Variants in FRAS1 observed in about 807,000 individuals in gnomAD.
FRAS1 encodes the protein Fraser extracellular matrix complex subunit 1, also known as extracellular matrix organizing protein FRAS1.
A neutral mutation model predicts 435.2 loss-of-function variants in FRAS1; 290 were observed. The ratio of observed to expected loss-of-function variants is 0.67; its 90% CI spans 0.61 to 0.73. The LOEUF (loss-of-function observed/expected upper bound fraction) is 0.73. Ranked by LOEUF, FRAS1 falls within the 30% of genes least tolerant of loss-of-function variation. The pLI, the probability that FRAS1 is intolerant of heterozygous loss-of-function variation, is 0.00. For missense variants in FRAS1, 4,860 were observed against 5,001.5 expected (o/e 0.97, Z 0.85); for synonymous variants, 1,800 against 1,851.0 (o/e 0.97, Z 0.71).
At chr4:78,416,523 A>G (rs543318879) in intron 32 of FRAS1, among the ~76,000 whole-genome samples, 1 of 152,072 alleles carries the variant, frequency 6.6e-6, no homozygotes, top group African/African-American at 2.4e-5. Flanking sequence ...TGAAACACCC[A>G]GTGTCTGAGG....
chr4:78,526,718 C>T, intron 70 of FRAS1, 61 bp downstream of exon 70: 1 of 1,076,216 alleles, frequency 9.3e-7, no homozygotes, highest in Non-Finnish European at 1.3e-6. Flanking sequence ...TTCTCCTACT[C>T]ACTAAAATTT....
intron 2 of FRAS1, among the ~76,000 whole-genome samples, chr4:78,094,205 GGC>G (rs1741679024): frequency 6.9e-6 from 1 of 145,162 alleles, no homozygotes; most frequent in Non-Finnish European, 1.5e-5. Context: ...AAGAACTCTA[GGC>G]CACACAACAT....
chr4:78,537,155 A>T lies in FRAS1; in HGVS notation c.11253A>T (p.Gly3751=), dbSNP rs371333763. The change falls in exon 72 of 74, where the codon GGA becomes GGT. Residue 3751 remains glycine (G), a synonymous_variant. Coordinates refer to ENST00000512123, the MANE Select transcript of FRAS1 (RefSeq NM_025074.7). ...GTIYNEGPQY[G]CIQPNKHLKH... ...TCTACAATGAAGGGCCCCAGTATGG[A>T]TGCATTCAGCCAAACAAACACCTAA... The T allele has an allele frequency of 2.5e-6, 4 of 1,614,020 alleles. No homozygotes were observed. The highest frequency in any genetic ancestry group is 2.5e-6 in the Non-Finnish European group (3 of 1,179,892).
rs1732129075 is a variant in FRAS1 at position 78,384,133 on chromosome 4, T to G, written c.3638T>G (p.Phe1213Cys). 6.3e-7 allele frequency: 1 copy of G among 1,593,768 alleles called. No individual in the cohort carries two copies. The highest frequency in any genetic ancestry group is 8.5e-7 in the Non-Finnish European group (1 of 1,172,400). Residue 1213 changes from phenylalanine (F) to cysteine (C), a missense_variant, in exon 28 of 74, where the codon TTT becomes TGT. Coordinates refer to ENST00000512123, the MANE Select transcript of FRAS1 (RefSeq NM_025074.7). ...CCACAGCTGATCAACATACAAGCAT[T>G]TTCAACACAGGTAATAAAAATGGCC... Reference protein sequence around the residue: ...SEPQLINIQAFSTQAPYVLRN... With the variant: ...SEPQLINIQACSTQAPYVLRN...
chr4:78,205,544 C>T (rs1193816053), intron 2 of FRAS1, among the ~76,000 whole-genome samples: 1 of 152,214 alleles, frequency 6.6e-6, no homozygotes, highest in Non-Finnish European at 1.5e-5. Context: ...AATGTTCTTT[C>T]AAATCTCTAT....
In FRAS1 at chr4:78,317,608, G is replaced by A. The variant is rs1729331255; in HGVS notation, c.1960+100G>A. 2.0e-5 allele frequency: 23 copies of A among 1,150,928 alleles called. 1 individual carries two copies. In the South Asian group the frequency reaches 3.0e-4, roughly 15 times the overall value. The allele number at this position is 1,150,928 out of a possible 1,614,324, so 71.3% of individuals were successfully genotyped here. ...ACTTTCCAGTGTAACTTTTCTTCTAGTGTATCTTTTATGGCTATCCATACA... is the reference window on the plus strand; with the variant it reads ...ACTTTCCAGTGTAACTTTTCTTCTAATGTATCTTTTATGGCTATCCATACA... On this transcript the variant is annotated intron_variant, in intron 17 of 73. Coordinates refer to ENST00000512123, the MANE Select transcript of FRAS1 (RefSeq NM_025074.7).
At chr4:78,188,633 C>G (rs1389748773) in intron 2 of FRAS1, among the ~76,000 whole-genome samples, 1 of 152,172 alleles carries the variant, frequency 6.6e-6, no homozygotes, top group Non-Finnish European at 1.5e-5. Flanking sequence ...ATTACCTTCA[C>G]AGTAATGCCT....
chr4:78,432,530 G>A lies in FRAS1; in HGVS notation c.5143G>A (p.Ala1715Thr). Residue 1715 changes from alanine to threonine, a missense_variant, in exon 38 of 74, where the codon GCT (alanine) becomes ACT (threonine). Transcript: ENST00000512123. The part of the protein sequence containing the change: ...LSEDRGPRLA[A>T]GSSLSITVAS... ...AGAAGACCGAGGGCCTCGACTGGCT[G>A]CTGGCTCCTCTCTGAGCATTACTGT... is the stretch of plus-strand genomic sequence containing the variant. 6.2e-7 allele frequency: 1 copy of A among 1,612,890 alleles called. No individual in the cohort carries two copies. The highest frequency in any genetic ancestry group is 1.1e-5 in the South Asian group (1 of 90,808).
Position 78,265,062 on chromosome 4 carries a change from C to A in FRAS1, c.641C>A (p.Pro214Gln). The A allele has an allele frequency of 1.9e-6, 3 of 1,613,028 alleles. 1 individual carries two copies. The South Asian group carries it at 3.3e-5, about 18-fold the overall frequency. The change falls in exon 7 of 74, where the codon CCG becomes CAG. Residue 214 changes from proline to glutamine, a missense_variant. Transcript: ENST00000512123. ...TVVRVPGKCC[P>Q]QCSARSCSAA... ...GTCCGAGTCCCTGGAAAATGTTGCC[C>A]GCAGTGCTCTGCAAGATCCTGCTCT... is the stretch of plus-strand genomic sequence containing the variant.
At chr4:78,421,518 C>T (rs1733788296) in intron 33 of FRAS1, among the ~76,000 whole-genome samples, 1 of 152,182 alleles carries the variant, frequency 6.6e-6, no homozygotes, top group South Asian at 2.1e-4. Flanking sequence ...GGTGGGTCTG[C>T]CTTTCCCAGC....
chr4:78,237,599 T>G lies in FRAS1; in HGVS notation c.198T>G (p.Pro66=). ...GCAAACCTGCTGTTTGCAGAAACCC[T>G]CAATGTGCCTTTGAGAAGGTACGGT... ...VICKPAVCRN[P]QCAFEKGEVL... Residue 66 remains proline (P), a synonymous_variant, in exon 3 of 74, where the codon CCT becomes CCG. Transcript: ENST00000512123. 6.2e-7 allele frequency: 1 copy of G among 1,605,624 alleles called. No homozygotes were observed. Among genetic ancestry groups the G allele is most frequent in the Non-Finnish European group, 8.5e-7 (1 of 1,173,748 alleles).
At chr4:78,321,838 C>CAA (rs35661816) in intron 18 of FRAS1, among the ~76,000 whole-genome samples, 1,642 of 106,228 alleles carry the variant, frequency 0.015, 19 homozygotes, top group Middle Eastern at 0.021. Flanking sequence ...AAAACTTCGT[C>CAA]AAAAAAAAAA....
intron 70 of FRAS1, among the ~76,000 whole-genome samples, chr4:78,534,088 A>G (rs945409779): frequency 6.6e-6 from 1 of 152,170 alleles, no homozygotes; most frequent in African/African-American, 2.4e-5. Context: ...TGAAAGAGTC[A>G]AAGCCTCAGA....
rs756232257 is a variant in FRAS1, at chr4:78,173,001, C to A, written c.109-64509C>A. The stretch of plus-strand genomic sequence containing the variant: ...ATCCATGACACCCAAAAAAGAGAAA[C>A]ACACTGTGAAATGTTATTTTAGAAG... On this transcript the variant is annotated intron_variant, in intron 2 of 73. Transcript: ENST00000512123. Among the ~76,000 whole-genome samples the A allele has an allele frequency of 1.9e-4, 29 of 151,656 alleles. 1 individual carries two copies. The highest frequency in any genetic ancestry group is 1.9e-3 in the South Asian group (9 of 4,820).
chr4:78,486,510 C>G (rs1720172833), intron 58 of FRAS1, among the ~76,000 whole-genome samples: 1 of 152,216 alleles, frequency 6.6e-6, no homozygotes, highest in Non-Finnish European at 1.5e-5. Context: ...CATATTGATG[C>G]AGCCCATCAG....
intron 15 of FRAS1, among the ~76,000 whole-genome samples, chr4:78,310,749 A>G (rs1445249195): frequency 6.6e-6 from 1 of 152,252 alleles, no homozygotes; most frequent in Non-Finnish European, 1.5e-5. Flanking sequence ...GAACCAACTC[A>G]CTGATTGGTA....
At chr4:78,305,557 G>T (rs544478244) in intron 14 of FRAS1, among the ~76,000 whole-genome samples, 4,747 of 128,986 alleles carry the variant, frequency 0.037, 280 homozygotes, top group African/African-American at 0.12. Context: ...TGTATTGGGT[G>T]CATATATATT....
intron 14 of FRAS1, 146 bp downstream of exon 14, chr4:78,286,685 G>A (rs1727623532): frequency 2.7e-6 from 2 of 729,240 alleles, no homozygotes; most frequent in Non-Finnish European, 2.2e-6. Flanking sequence ...GATGGGATGA[G>A]GAGAACAGTG....
chr4:78,082,152 T>G (rs1283801313), intron 2 of FRAS1, among the ~76,000 whole-genome samples: 1 of 152,158 alleles, frequency 6.6e-6, no homozygotes, highest in Non-Finnish European at 1.5e-5. Context: ...CTCTAATGTT[T>G]CCAATAGAAT....
Sources: gnomAD v4.1 joint callset for allele counts (sites outside exome capture counted in the v4.1 genomes callset) on GRCh38, gnomAD v4.1.1 for gene constraint, MANE v1.5 for transcripts, NCBI Gene and HGNC (gene_info 2026-07-23, HGNC 2026-07-21) for gene names.